The following ALDH1L1 variants were observed in gnomAD, a reference collection of about 807,000 sequenced individuals.
The protein encoded by ALDH1L1 is aldehyde dehydrogenase 1 family member L1.
In ALDH1L1, 68 loss-of-function variants were observed where a neutral mutation model predicts 101.1. That is an observed-to-expected ratio of 0.67 (90% CI 0.55 to 0.82). The LOEUF (loss-of-function observed/expected upper bound fraction) is 0.82, where lower values mean the gene tolerates loss of function less well. ALDH1L1 is among the 40% of genes least tolerant of loss of function. The pLI, the probability that ALDH1L1 is intolerant of heterozygous loss-of-function variation, is 0.00. For missense variants in ALDH1L1, 1,087 were observed against 1,172.7 expected (o/e 0.93, Z 1.07); for synonymous variants, 486 against 470.8 (o/e 1.03, Z -0.42).
intron 16 of ALDH1L1, among the ~76,000 whole-genome samples, chr3:126,123,633 T>C (rs1256752530): frequency 2.4e-5 from 1 of 41,578 alleles, no homozygotes; most frequent in East Asian, 4.5e-4. Context: ...CCCAAAAAGC[T>C]GCAAAAAAAA....
intron 12 of ALDH1L1, among the ~76,000 whole-genome samples, chr3:126,133,960 C>G (rs1422858387): frequency 1.3e-5 from 2 of 152,208 alleles, no homozygotes; most frequent in African/African-American, 2.4e-5. Context: ...TCCTGTCTAC[C>G]AGGAGTTCAG....
At chr3:126,138,326 T>C (rs1368558549) in intron 9 of ALDH1L1, among the ~76,000 whole-genome samples, 1 of 152,182 alleles carries the variant, frequency 6.6e-6, no homozygotes, top group Non-Finnish European at 1.5e-5. Flanking sequence ...CAAAAATCTC[T>C]GTTAAAAGAA....
At chr3:126,158,104 C>T (rs1004893201) in intron 3 of ALDH1L1, among the ~76,000 whole-genome samples, 5 of 151,784 alleles carry the variant, frequency 3.3e-5, no homozygotes, top group Admixed American at 6.5e-5. Context: ...TCTGTCCCTG[C>T]GCCTTCTGGT....
At chr3:126,132,648 G>A (rs548387386) in intron 12 of ALDH1L1, among the ~76,000 whole-genome samples, 46 of 152,216 alleles carry the variant, frequency 3.0e-4, no homozygotes, top group African/African-American at 9.4e-4. Flanking sequence ...TTTCAGACAC[G>A]GACTCAATGG....
intron 1 of ALDH1L1, among the ~76,000 whole-genome samples, chr3:126,169,508 G>T (rs1332483054): frequency 6.6e-6 from 1 of 152,184 alleles, no homozygotes; most frequent in Non-Finnish European, 1.5e-5. Context: ...GAAACCCTTG[G>T]AAAACTGGCC....
chr3:126,146,820 C>A lies in ALDH1L1; in HGVS notation c.1076+15G>T. 1.2e-6 allele frequency: 2 copies of A among 1,612,950 alleles called. No individual in the cohort carries two copies. Among genetic ancestry groups the A allele is most frequent in the Non-Finnish European group, 1.7e-6 (2 of 1,179,366 alleles). On this transcript the variant is annotated intron_variant, in intron 9 of 22. Coordinates refer to ENST00000393434, the MANE Select transcript of ALDH1L1 (RefSeq NM_012190.4). ...CCAAGTACCTGGGACAGGACCCCTC[C>A]ACTCCTGGCCTTACCTCACAACGTC...
intron 9 of ALDH1L1, 131 bp downstream of exon 9, chr3:126,146,704 G>T: frequency 1.1e-6 from 1 of 897,050 alleles, no homozygotes; most frequent in Non-Finnish European, 1.7e-6. Context: ...CTGCACACTG[G>T]CCCTTCCTGG....
intron 1 of ALDH1L1, among the ~76,000 whole-genome samples, chr3:126,189,819 A>G (rs750708207): frequency 3.9e-5 from 6 of 152,208 alleles, no homozygotes; most frequent in African/African-American, 9.6e-5. Flanking sequence ...GGTTCAGTCT[A>G]TGTTTTCCAC....
intron 9 of ALDH1L1, 95 bp downstream of exon 9, chr3:126,146,740 T>C (rs2080692963): frequency 3.0e-6 from 4 of 1,344,836 alleles, no homozygotes; most frequent in Middle Eastern, 1.8e-4. Context: ...GATCCATGAG[T>C]GTAACAAATG....
Position 126,136,841 on chromosome 3 carries a change from G to C in ALDH1L1, c.1267C>G (p.Gln423Glu). 1 of 1,612,270 alleles carries C rather than the reference G, an allele frequency of 6.2e-7. No individual in the cohort carries two copies. The highest frequency in any genetic ancestry group is 8.5e-7 in the Non-Finnish European group (1 of 1,179,332). Residue 423 changes from glutamine to glutamate, a missense_variant, in exon 11 of 23, where the codon CAG becomes GAG. Gln to Glu is a conservative substitution (Grantham distance 29). Around this residue, in one of 2 missense-constraint regions of ALDH1L1, gnomAD observed 645 missense variants for 637.0 expected, o/e 1.01. Coordinates refer to ENST00000393434, the MANE Select transcript of ALDH1L1 (RefSeq NM_012190.4). ...ACGAACTCCCCCCCAATGAAGAGCT[G>C]GTGGGGCATGCGGACAGTGCGCTTG... ...VNKRTVRMPHQLFIGGEFVDA... is the reference protein window; with the variant it reads ...VNKRTVRMPHELFIGGEFVDA...
chr3:126,117,876 C>A, intron 17 of ALDH1L1, 129 bp downstream of exon 17: 2 of 920,112 alleles, frequency 2.2e-6, no homozygotes, highest in South Asian at 1.5e-5. Context: ...TTGCATAGAG[C>A]CCAGCAGGGC....
intron 16 of ALDH1L1, among the ~76,000 whole-genome samples, chr3:126,121,179 G>T (rs1448841148): frequency 2.0e-5 from 3 of 152,196 alleles, no homozygotes; most frequent in Non-Finnish European, 4.4e-5. Context: ...CTAGGAGGAG[G>T]CAAAGAATTA....
At chr3:126,197,420 A>C (rs2081587827) in intron 1 of ALDH1L1, among the ~76,000 whole-genome samples, 3 of 152,180 alleles carry the variant, frequency 2.0e-5, no homozygotes, top group Admixed American at 2.0e-4. Context: ...GAATACAAAA[A>C]TCCCTGAAAA....
At chr3:126,184,232 A>C (rs537631576), upstream of ALDH1L1, among the ~76,000 whole-genome samples, 240 of 152,326 alleles carry the variant, frequency 1.6e-3, 1 homozygote, top group Middle Eastern at 0.017. Context: ...CTCTTTTGCC[A>C]GTTCAGTTCA....
chr3:126,135,657 G>T lies in ALDH1L1; in HGVS notation c.1350C>A (p.Ile450=), dbSNP rs768520796. ...TGACTTGGGCCAGGGATACCTGGCA[G>T]ATGACCTATAGTGGAAGCAGAGCCA... ...ETINPTDGSV[I]CQVSLAQVTD... is the part of the protein sequence containing the mutation. The change falls in exon 12 of 23, where the codon ATC becomes ATA. Residue 450 remains isoleucine (I), a synonymous_variant. Coordinates refer to ENST00000393434, the MANE Select transcript of ALDH1L1 (RefSeq NM_012190.4). 1.9e-6 allele frequency: 3 copies of T among 1,561,022 alleles called. No homozygotes were observed. The East Asian group carries it at 7.2e-5, about 38-fold the overall frequency.
At chr3:126,110,655 CT>C (rs1176148368) in intron 19 of ALDH1L1, among the ~76,000 whole-genome samples, 1 of 152,074 alleles carries the variant, frequency 6.6e-6, no homozygotes. Context: ...CTCTGCACCC[CT>C]AATCAGCCCT....
chr3:126,162,201 A>G (rs2081072999), intron 1 of ALDH1L1, among the ~76,000 whole-genome samples: 1 of 152,224 alleles, frequency 6.6e-6, no homozygotes, highest in Non-Finnish European at 1.5e-5. Flanking sequence ...CATGGTACAC[A>G]TGTACACATC....
intron 5 of ALDH1L1, 73 bp from the exon 6 acceptor site, chr3:126,154,716 G>A (rs918027054): frequency 4.5e-5 from 64 of 1,406,980 alleles, no homozygotes; most frequent in Admixed American, 5.1e-5. Flanking sequence ...CATCTGGACA[G>A]TGGACCAAGC....
intron 9 of ALDH1L1, among the ~76,000 whole-genome samples, chr3:126,143,299 A>G (rs1433535295): frequency 6.6e-6 from 1 of 152,206 alleles, no homozygotes; most frequent in Non-Finnish European, 1.5e-5. Flanking sequence ...GTTTTTTCTG[A>G]TAACACCAGT....
Sources: gnomAD v4.1 joint callset for allele counts (sites outside exome capture counted in the v4.1 genomes callset) on GRCh38, gnomAD v4.1.1 for gene constraint, gnomAD v4.1.1 regional missense constraint, MANE v1.5 for transcripts, NCBI Gene and HGNC (gene_info 2026-07-23, HGNC 2026-07-21) for gene names.